Variants in ADGRL3 observed in about 807,000 individuals in gnomAD.
ADGRL3 encodes the protein calcium-independent alpha-latrotoxin receptor 3.
A neutral mutation model predicts 153.5 loss-of-function variants in ADGRL3; 62 were observed. That is an observed-to-expected ratio of 0.40 (90% CI 0.33 to 0.50). The LOEUF (loss-of-function observed/expected upper bound fraction) is 0.50. Among genes scored for constraint, ADGRL3 ranks in the 20% least tolerant of loss-of-function variants. The pLI is 0.47. For synonymous variants in ADGRL3, 710 were observed against 672.5 expected (o/e 1.06, Z -0.86); for missense variants, 1,641 against 1,859.4 (o/e 0.88, Z 2.16).
At chr4:61,597,042 A>G (rs1039967834) in intron 5 of ADGRL3, among the ~76,000 whole-genome samples, 1 of 150,194 alleles carries the variant, frequency 6.7e-6, no homozygotes, top group Non-Finnish European at 1.5e-5. Context: ...TTTTTTTTTC[A>G]TGCATAAGGG....
chr4:61,567,823 G>T (rs778660030), intron 4 of ADGRL3, among the ~76,000 whole-genome samples: 2 of 152,088 alleles, frequency 1.3e-5, no homozygotes, highest in Admixed American at 6.6e-5. Flanking sequence ...ACCTCAATTT[G>T]TACTATTATC....
chr4:61,603,066 AT>A (rs1417186223), intron 5 of ADGRL3, among the ~76,000 whole-genome samples: 11 of 152,266 alleles, frequency 7.2e-5, no homozygotes, highest in South Asian at 6.2e-4. Flanking sequence ...ATATTCGTAG[AT>A]TTTTACAGAA....
intron 1 of ADGRL3, among the ~76,000 whole-genome samples, chr4:61,295,704 C>T (rs995601922): frequency 2.6e-5 from 4 of 151,670 alleles, no homozygotes; most frequent in Non-Finnish European, 4.4e-5. Flanking sequence ...CCTGTAATCC[C>T]GTCCAGCATT....
chr4:61,239,962 C>G (rs889963816), intron 1 of ADGRL3, among the ~76,000 whole-genome samples: 4 of 152,084 alleles, frequency 2.6e-5, no homozygotes, highest in African/African-American at 9.7e-5. Context: ...TTGGCAATAA[C>G]TTCGGTTTTC....
intron 8 of ADGRL3, among the ~76,000 whole-genome samples, chr4:61,778,911 A>T (rs924841387): frequency 6.6e-6 from 1 of 152,116 alleles, no homozygotes; most frequent in Non-Finnish European, 1.5e-5. Flanking sequence ...TACAAAAATT[A>T]GCTGGGCACG....
chr4:61,625,025 T>C (rs1354304163), intron 5 of ADGRL3, among the ~76,000 whole-genome samples: 1 of 152,024 alleles, frequency 6.6e-6, no homozygotes, highest in African/African-American at 2.4e-5. Flanking sequence ...TTTGAAAAAT[T>C]GCCTAGATAA....
chr4:61,640,936 A>G lies in ADGRL3; in HGVS notation c.474-35890A>G, dbSNP rs570271669. Among the ~76,000 whole-genome samples the G allele has an allele frequency of 2.0e-5, 3 of 152,342 alleles. No individual in the cohort carries two copies. The East Asian group carries it at 5.8e-4, about 29-fold the overall frequency. ...AATACTCAGTTTGTTGGATTCAACA[A>G]TACATTTTTCAAAGTTTTTTGTAAG... On this transcript the variant is annotated intron_variant, in intron 5 of 26. Coordinates refer to ENST00000683033, the MANE Select transcript of ADGRL3 (RefSeq NM_001387552.1).
At chr4:61,972,992 T>G (rs1225318224) in intron 17 of ADGRL3, among the ~76,000 whole-genome samples, 1 of 152,024 alleles carries the variant, frequency 6.6e-6, no homozygotes, top group Non-Finnish European at 1.5e-5. Context: ...TCTCTAAAAT[T>G]ATTTTTTTCA....
chr4:61,647,515 C>T (rs1014600359), intron 5 of ADGRL3, among the ~76,000 whole-genome samples: 9 of 152,012 alleles, frequency 5.9e-5, no homozygotes, highest in South Asian at 2.1e-4. Context: ...ATGGTTTGTA[C>T]GTGAGGGGGA....
chr4:61,514,772 G>A (rs2098482761), intron 3 of ADGRL3, among the ~76,000 whole-genome samples: 1 of 152,046 alleles, frequency 6.6e-6, no homozygotes, highest in Non-Finnish European at 1.5e-5. Context: ...CCATGAAATC[G>A]TTTTACTCCT....
chr4:61,270,689 T>C (rs1306624774), intron 1 of ADGRL3, among the ~76,000 whole-genome samples: 1 of 151,732 alleles, frequency 6.6e-6, no homozygotes, highest in Non-Finnish European at 1.5e-5. Context: ...AACATAAGAA[T>C]GACCAAGAAA....
intron 1 of ADGRL3, among the ~76,000 whole-genome samples, chr4:61,250,655 T>G (rs962263329): frequency 6.6e-6 from 1 of 152,228 alleles, no homozygotes; most frequent in Non-Finnish European, 1.5e-5. Flanking sequence ...GTGATACTTA[T>G]ACATTAGTAC....
rs114103597 is a variant in ADGRL3 at position 62,061,286 on chromosome 4, G to A, written c.3815-6880G>A. On this transcript the variant is annotated intron_variant, in intron 25 of 26. Transcript: ENST00000683033. ...CTGTGCCCTGCCTAGATTACTTTTC[G>A]TTTTGAGATAATTGTAGATTCACAT... Among the ~76,000 whole-genome samples, 324 of 151,436 alleles carry A rather than the reference G, an allele frequency of 2.1e-3. 1 individual carries two copies. Among genetic ancestry groups the A allele is most frequent in the African/African-American group, 7.3e-3 (300 of 41,354 alleles).
At chr4:61,527,543 A>G (rs1388884610) in intron 4 of ADGRL3, among the ~76,000 whole-genome samples, 2 of 152,158 alleles carry the variant, frequency 1.3e-5, no homozygotes, top group Non-Finnish European at 2.9e-5. Flanking sequence ...AATTTAAACA[A>G]GTTAGAAATG....
chr4:61,694,179 A>T (rs5008898), intron 6 of ADGRL3, among the ~76,000 whole-genome samples: 4,356 of 26,578 alleles, frequency 0.16, 321 homozygotes, highest in East Asian at 0.27. Flanking sequence ...TTTTGTCATT[A>T]TTTTTTTTTT....
At chr4:61,624,713 A>C (rs1222909542) in intron 5 of ADGRL3, among the ~76,000 whole-genome samples, 1 of 152,122 alleles carries the variant, frequency 6.6e-6, no homozygotes. Context: ...AGAAAGGCTG[A>C]GTTACTTTAT....
At chr4:61,362,349 C>T (rs1249814611) in intron 1 of ADGRL3, among the ~76,000 whole-genome samples, 1 of 151,144 alleles carries the variant, frequency 6.6e-6, no homozygotes, top group Non-Finnish European at 1.5e-5. Context: ...TATATATACA[C>T]ACACACACAT....
At chr4:61,271,286 G>A (rs189398411) in intron 1 of ADGRL3, among the ~76,000 whole-genome samples, 3 of 151,970 alleles carry the variant, frequency 2.0e-5, no homozygotes, top group African/African-American at 7.2e-5. Flanking sequence ...GACTGTTACC[G>A]TGTTTTTCAA....
At chr4:61,445,991 G>T (rs1035109600) in intron 2 of ADGRL3, among the ~76,000 whole-genome samples, 3 of 152,192 alleles carry the variant, frequency 2.0e-5, no homozygotes, top group African/African-American at 7.2e-5. Flanking sequence ...ATGCTGTACA[G>T]GTTTATAGCC....
Sources: gnomAD v4.1 joint callset for allele counts (sites outside exome capture counted in the v4.1 genomes callset) on GRCh38, gnomAD v4.1.1 for gene constraint, MANE v1.5 for transcripts, NCBI Gene and HGNC (gene_info 2026-07-23, HGNC 2026-07-21) for gene names.